Variants in GRM5 observed in about 807,000 individuals in gnomAD.
GRM5 encodes the protein metabotropic glutamate receptor 5.
Under a neutral mutation model 83.1 loss-of-function variants are expected in GRM5, and 19 were observed. The ratio of observed to expected loss-of-function variants is 0.23; its 90% CI spans 0.16 to 0.34. GRM5 has a LOEUF of 0.34. Among genes scored for constraint, GRM5 ranks in the 10% least tolerant of loss-of-function variants. The pLI, the probability that GRM5 is intolerant of heterozygous loss-of-function variation, is 1.00. For missense variants in GRM5, 1,160 were observed against 1,588.3 expected, an observed-to-expected ratio of 0.73 and a Z score of 4.58; for synonymous variants, 675 against 633.6, an observed-to-expected ratio of 1.07 and a Z score of -0.98.
intron 2 of GRM5, among the ~76,000 whole-genome samples, chr11:88,941,467 GAGAAGAGGGGAGGGGAGAGGAGGGGAGA>G (rs1478435282): frequency 1.3e-4 from 6 of 46,578 alleles, no homozygotes; most frequent in Admixed American, 2.8e-4. Flanking sequence ...GAGAAGAGAA[GAGAAGAGGGGAGGGGAGAGGAGGGGAGA>G]GGAGGGGAGA....
chr11:88,510,887 G>C (rs1394074124), intron 9 of GRM5, among the ~76,000 whole-genome samples: 1 of 152,132 alleles, frequency 6.6e-6, no homozygotes, highest in Non-Finnish European at 1.5e-5. Flanking sequence ...GTTACTAGGG[G>C]GTCTGTTATT....
intron 2 of GRM5, among the ~76,000 whole-genome samples, chr11:88,969,176 T>G (rs570409888): frequency 3.7e-4 from 57 of 152,234 alleles, no homozygotes; most frequent in African/African-American, 1.3e-3. Context: ...CCATCAATTG[T>G]GCATTCTAAG....
chr11:88,926,637 ATTAAT>A (rs1945793566), intron 2 of GRM5, among the ~76,000 whole-genome samples: 1 of 152,194 alleles, frequency 6.6e-6, no homozygotes, highest in Admixed American at 6.6e-5. Context: ...ACAAATCTAT[ATTAAT>A]TTTATTTCAA....
At chr11:88,657,387 A>G (rs889769682) in intron 3 of GRM5, among the ~76,000 whole-genome samples, 1 of 152,176 alleles carries the variant, frequency 6.6e-6, no homozygotes, top group African/African-American at 2.4e-5. Flanking sequence ...TTGGACATTT[A>G]AAATAGAAAA....
intron 3 of GRM5, among the ~76,000 whole-genome samples, chr11:88,708,498 G>A (rs1313212802): frequency 1.3e-5 from 2 of 152,010 alleles, no homozygotes; most frequent in Non-Finnish European, 2.9e-5. Context: ...TTCGAATTGT[G>A]TCTCTGTCAC....
At chr11:89,050,297 T>C (rs996844093) in intron 1 of GRM5, among the ~76,000 whole-genome samples, 3 of 152,232 alleles carry the variant, frequency 2.0e-5, no homozygotes, top group African/African-American at 4.8e-5. Flanking sequence ...TTATCTTTCA[T>C]TGAGCACCTA....
Position 88,882,127 on chromosome 11 carries a change from T to C in GRM5, c.662-31972A>G, listed in dbSNP as rs369464432. ...GGGGTAGCATCTGTAATCCCAGCTATGCAGGAGGCTGAGGAAAGAGAATCG... is the reference window on the plus strand; with the variant it reads ...GGGGTAGCATCTGTAATCCCAGCTACGCAGGAGGCTGAGGAAAGAGAATCG... On this transcript the variant is annotated intron_variant, in intron 2 of 9. Coordinates refer to ENST00000305447, the MANE Select transcript of GRM5 (RefSeq NM_001143831.3). Among the ~76,000 whole-genome samples the C allele has an allele frequency of 6.6e-5, 10 of 151,900 alleles. No homozygotes were observed. The East Asian group carries it at 9.7e-4, about 15-fold the overall frequency.
intron 6 of GRM5, among the ~76,000 whole-genome samples, chr11:88,594,948 C>T (rs1299064500): frequency 6.6e-6 from 1 of 152,088 alleles, no homozygotes; most frequent in Non-Finnish European, 1.5e-5. Context: ...CAATAGCTGC[C>T]CTAACTCCCT....
chr11:88,559,635 T>C (rs78936350), intron 8 of GRM5, among the ~76,000 whole-genome samples: 6,918 of 152,294 alleles, frequency 0.045, 511 homozygotes, highest in African/African-American at 0.15. Context: ...TCTTGTTCAC[T>C]GGCAAATGCC....
chr11:88,585,034 G>A (rs1943285714), intron 7 of GRM5, among the ~76,000 whole-genome samples: 2 of 152,170 alleles, frequency 1.3e-5, no homozygotes, highest in Non-Finnish European at 2.9e-5. Context: ...CAGGTCATAA[G>A]ACCCTCATGT....
chr11:88,593,317 GAA>G (rs1312594024), intron 6 of GRM5, among the ~76,000 whole-genome samples: 1 of 152,046 alleles, frequency 6.6e-6, no homozygotes, highest in Non-Finnish European at 1.5e-5. Context: ...ATCTGGTTAG[GAA>G]AATGGAGTTT....
chr11:88,863,273 G>A (rs1173764055), intron 2 of GRM5, among the ~76,000 whole-genome samples: 1 of 151,638 alleles, frequency 6.6e-6, no homozygotes, highest in Non-Finnish European at 1.5e-5. Context: ...TATACCCAAA[G>A]GAATATAAAT....
chr11:88,679,193 A>G (rs1940413081), intron 3 of GRM5, among the ~76,000 whole-genome samples: 1 of 152,212 alleles, frequency 6.6e-6, no homozygotes, highest in Non-Finnish European at 1.5e-5. Context: ...AGGAGAGAGG[A>G]CACTGCAGTT....
chr11:88,636,030 G>C (rs985582708), intron 4 of GRM5, among the ~76,000 whole-genome samples: 1 of 152,014 alleles, frequency 6.6e-6, no homozygotes, highest in Non-Finnish European at 1.5e-5. Flanking sequence ...AAACTCACTA[G>C]AACTTAGTTT....
Position 88,508,812 on chromosome 11 carries a change from G to A in GRM5, c.3419C>T (p.Ala1140Val). 1.3e-6 allele frequency: 2 copies of A among 1,524,996 alleles called. No individual in the cohort carries two copies. Among genetic ancestry groups the A allele is most frequent in the Non-Finnish European group, 1.8e-6 (2 of 1,136,550 alleles). 94.5% of individuals were successfully genotyped at this position (1,524,996 alleles called of 1,614,324 possible). ...GGGACCGGCCGCGGGGCTCTCCCGGGCCGCGTCCCCAGCCGCCTGCGCCCC... is the reference window on the plus strand; with the variant it reads ...GGGACCGGCCGCGGGGCTCTCCCGGACCGCGTCCCCAGCCGCCTGCGCCCC... ...AAGAQAAGDA[A>V]RESPAAGPEA... is the part of the protein sequence containing the mutation. The change falls in exon 10 of 10, where the codon GCC becomes GTC. Residue 1140 changes from alanine (A) to valine (V), a missense_variant. Ala to Val is a moderately conservative substitution (Grantham distance 64). This residue lies in a region of GRM5 where 562 missense variants were observed against 532.4 expected (regional missense o/e 1.06). Transcript: ENST00000305447. The surrounding 1 kb of genome is among the most constrained non-coding windows in gnomAD (Gnocchi z 4.2).
chr11:88,621,669 T>C (rs1045682051), intron 4 of GRM5, among the ~76,000 whole-genome samples: 2 of 152,338 alleles, frequency 1.3e-5, no homozygotes, highest in East Asian at 1.9e-4. Flanking sequence ...TGCTTATTTA[T>C]TCACACAGTG....
intron 2 of GRM5, among the ~76,000 whole-genome samples, chr11:88,940,780 T>C (rs1206520080): frequency 1.3e-5 from 2 of 151,964 alleles, no homozygotes; most frequent in Non-Finnish European, 2.9e-5. Flanking sequence ...ACTCTGAGTA[T>C]ATTGAAAAAA....
chr11:88,858,018 T>A (rs1565264222), intron 2 of GRM5, among the ~76,000 whole-genome samples: 1 of 151,818 alleles, frequency 6.6e-6, no homozygotes, highest in Non-Finnish European at 1.5e-5. Context: ...GAAAACTTTG[T>A]TAACAAACAG....
At chr11:88,824,609 C>T (rs1943861989) in intron 3 of GRM5, among the ~76,000 whole-genome samples, 1 of 152,120 alleles carries the variant, frequency 6.6e-6, no homozygotes. Context: ...AGATTTCTTG[C>T]ATCTAGAGTT....
Sources: allele counts gnomAD v4.1 joint callset (sites outside exome capture counted in the v4.1 genomes callset), GRCh38; gene constraint gnomAD v4.1.1; regional missense constraint gnomAD v4.1.1; non-coding constraint Gnocchi (gnomAD v3.1); transcripts MANE v1.5; gene names NCBI Gene and HGNC (gene_info 2026-07-23, HGNC 2026-07-21).